Variants in RBFOX1 observed in about 807,000 individuals in gnomAD.
RBFOX1 encodes RNA binding protein fox-1 homolog 1.
RBFOX1 carries 8 observed loss-of-function variants against 57.7 expected under a neutral mutation model. The observed-to-expected ratio is 0.14, with a 90% CI of 0.08 to 0.25. The LOEUF is 0.25. Ranked by LOEUF, RBFOX1 falls within the 10% of genes least tolerant of loss-of-function variation. RBFOX1 has a pLI of 1.00. For synonymous variants in RBFOX1, 326 were observed against 222.4 expected, an observed-to-expected ratio of 1.47 and a Z score of -4.15; for missense variants, 611 against 548.5, an observed-to-expected ratio of 1.11 and a Z score of -1.14.
intron 3 of RBFOX1, among the ~76,000 whole-genome samples, chr16:6,795,398 G>A (rs950583469): frequency 2.0e-5 from 3 of 152,050 alleles, no homozygotes; most frequent in African/African-American, 7.2e-5. Flanking sequence ...AATCAGCTCT[G>A]GGGAGTTTTG....
At chr16:5,474,303 A>G (rs769773907) in intron 2 of RBFOX1, among the ~76,000 whole-genome samples, 17 of 152,214 alleles carry the variant, frequency 1.1e-4, no homozygotes, top group Non-Finnish European at 2.2e-4. Flanking sequence ...GATTGTACAG[A>G]ACCTACTGAG....
chr16:5,869,598 C>T (rs867835379), intron 4 of RBFOX1, among the ~76,000 whole-genome samples: 12 of 152,192 alleles, frequency 7.9e-5, no homozygotes, highest in Admixed American at 1.3e-4. Context: ...GATGGGGTTT[C>T]ACCATGTTGG....
chr16:6,016,395 A>G (rs41530646), upstream of RBFOX1, among the ~76,000 whole-genome samples: 25,216 of 152,166 alleles, frequency 0.17, 2,729 homozygotes, highest in East Asian at 0.45. Context: ...AACATATACA[A>G]AAGATTGGAT....
chr16:7,287,984 A>T (rs1021633539), intron 4 of RBFOX1, among the ~76,000 whole-genome samples: 2 of 152,146 alleles, frequency 1.3e-5, no homozygotes, highest in Admixed American at 1.3e-4. Context: ...GTTGAACGAA[A>T]AATCCAAACC....
At chr16:7,125,052 G>GT (rs1402495503) in intron 4 of RBFOX1, among the ~76,000 whole-genome samples, 1 of 152,142 alleles carries the variant, frequency 6.6e-6, no homozygotes, top group East Asian at 1.9e-4. Flanking sequence ...CAACATTGAG[G>GT]TTTGGATGAA....
chr16:7,334,090 A>G (rs190402392), intron 4 of RBFOX1, among the ~76,000 whole-genome samples: 15 of 152,098 alleles, frequency 9.9e-5, no homozygotes, highest in Admixed American at 2.6e-4. Flanking sequence ...ATTAATTACA[A>G]TTTCTGGGAA....
chr16:5,243,368 G>A lies in RBFOX1; in HGVS notation c.219+3263G>A, dbSNP rs1238297343. Among the ~76,000 whole-genome samples, 5 of 152,288 alleles carry A rather than the reference G, an allele frequency of 3.3e-5. No individual in the cohort carries two copies. In the East Asian group the frequency reaches 9.6e-4, roughly 29 times the overall value. On this transcript the variant is annotated intron_variant, in intron 1 of 2. Coordinates refer to the RBFOX1 transcript ENST00000585867. Reference sequence around the variant, plus strand: ...GCATCCAGGGTTGAAACCAGATCAGGAAGGTTGTTGTCAGCCTGGGGCTCC... The same window carrying A: ...GCATCCAGGGTTGAAACCAGATCAGAAAGGTTGTTGTCAGCCTGGGGCTCC...
chr16:5,348,645 C>T (rs2065195549), intron 1 of RBFOX1, among the ~76,000 whole-genome samples: 2 of 152,130 alleles, frequency 1.3e-5, no homozygotes, highest in East Asian at 1.9e-4. Flanking sequence ...AGACATGGAA[C>T]GTGAATTTAT....
At chr16:5,568,942 G>A (rs1009547427) in intron 2 of RBFOX1, among the ~76,000 whole-genome samples, 6 of 151,930 alleles carry the variant, frequency 3.9e-5, no homozygotes, top group Admixed American at 1.3e-4. Context: ...CTGGGTTCAA[G>A]TGATTCTCCT....
chr16:6,322,961 C>G (rs889794984), intron 2 of RBFOX1, among the ~76,000 whole-genome samples: 51 of 152,198 alleles, frequency 3.4e-4, no homozygotes, highest in African/African-American at 1.2e-3. Context: ...CCCCCACACA[C>G]TGTTGTTTAC....
chr16:5,879,911 T>G (rs2057721404), intron 4 of RBFOX1, among the ~76,000 whole-genome samples: 1 of 152,184 alleles, frequency 6.6e-6, no homozygotes, highest in African/African-American at 2.4e-5. Context: ...AGCGCAGAGA[T>G]GGCACACATT....
intron 3 of RBFOX1, among the ~76,000 whole-genome samples, chr16:5,650,571 C>T (rs992262216): frequency 3.3e-5 from 5 of 152,182 alleles, no homozygotes; most frequent in Non-Finnish European, 5.9e-5. Flanking sequence ...AAAGGGGATG[C>T]TAATCCCCTG....
At chr16:5,616,357 G>C (rs75910408) in intron 3 of RBFOX1, among the ~76,000 whole-genome samples, 9 of 152,298 alleles carry the variant, frequency 5.9e-5, no homozygotes, top group African/African-American at 2.2e-4. Context: ...GCTCATCTCT[G>C]GGCCCAGCTT....
intron 2 of RBFOX1, among the ~76,000 whole-genome samples, chr16:6,469,978 C>G (rs187709050): frequency 7.9e-5 from 12 of 152,334 alleles, no homozygotes; most frequent in East Asian, 7.7e-4. Flanking sequence ...TAACTGAGCT[C>G]TCATTCTAGA....
chr16:6,834,532 G>A (rs370024616), intron 3 of RBFOX1, among the ~76,000 whole-genome samples: 7 of 129,280 alleles, frequency 5.4e-5, no homozygotes, highest in East Asian at 2.4e-4. Flanking sequence ...GAATGAATCA[G>A]TTAATTAATT....
At chr16:6,671,931 G>A (rs544232821) in intron 3 of RBFOX1, among the ~76,000 whole-genome samples, 53 of 152,274 alleles carry the variant, frequency 3.5e-4, no homozygotes, top group African/African-American at 1.2e-3. Flanking sequence ...AAACTGTTGC[G>A]ACTACTAAGT....
At chr16:7,513,595 A>C (rs1194611257) in intron 4 of RBFOX1, among the ~76,000 whole-genome samples, 1 of 152,176 alleles carries the variant, frequency 6.6e-6, no homozygotes, top group Non-Finnish European at 1.5e-5. Context: ...TCCACCCACT[A>C]GATGGCAGTA....
chr16:7,708,620 T>G (rs2083271836), intron 14 of RBFOX1, among the ~76,000 whole-genome samples: 1 of 152,226 alleles, frequency 6.6e-6, no homozygotes, highest in Non-Finnish European at 1.5e-5. Context: ...TCACCCTTTC[T>G]GATTCACCCT....
chr16:5,433,783 G>A (rs555656995), intron 1 of RBFOX1, among the ~76,000 whole-genome samples: 1 of 152,226 alleles, frequency 6.6e-6, no homozygotes, highest in Admixed American at 6.5e-5. Context: ...GGCCCTTCTT[G>A]TTCACCGCTG....
Sources: allele counts gnomAD v4.1 joint callset (sites outside exome capture counted in the v4.1 genomes callset), GRCh38; gene constraint gnomAD v4.1.1; transcripts MANE v1.5; gene names NCBI Gene and HGNC (gene_info 2026-07-23, HGNC 2026-07-21).